The following DPY30 variants were observed in gnomAD, a reference collection of about 807,000 sequenced individuals.
The protein encoded by DPY30 is dpy-30 histone methyltransferase complex regulatory subunit.
Under a neutral mutation model 16.2 loss-of-function variants are expected in DPY30, and 6 were observed. That is an observed-to-expected ratio of 0.37 (90% CI 0.20 to 0.73). The LOEUF is 0.73. Ranked by LOEUF, DPY30 falls within the 30% of genes least tolerant of loss-of-function variation. The probability of loss-of-function intolerance (pLI) is 0.51; values close to 1 mark genes in which losing one functional copy is unlikely to be tolerated. For missense variants in DPY30, 73 were observed against 113.1 expected (o/e 0.65, Z 1.61); for synonymous variants, 39 against 38.8 (o/e 1.00, Z -0.02).
chr2:32,031,685 G>C (rs1675547851), intron 3 of DPY30, among the ~76,000 whole-genome samples: 1 of 152,048 alleles, frequency 6.6e-6, no homozygotes, highest in South Asian at 2.1e-4. Flanking sequence ...ATGCAGTCAG[G>C]AGTTCGAGAC....
chr2:32,034,853 G>A (rs1023269852), intron 3 of DPY30, among the ~76,000 whole-genome samples: 2 of 151,912 alleles, frequency 1.3e-5, no homozygotes, highest in African/African-American at 2.4e-5. Context: ...ACAAAAATTC[G>A]GCAGGCATGG....
chr2:32,024,856 A>AAT, intron 4 of DPY30, among the ~76,000 whole-genome samples: 1 of 114,242 alleles, frequency 8.8e-6, no homozygotes, highest in East Asian at 2.3e-4. Flanking sequence ...AATTTAAGTC[A>AAT]ATAATTCTAT....
chr2:32,022,522 A>T (rs12989672), downstream of DPY30, among the ~76,000 whole-genome samples: 57 of 141,414 alleles, frequency 4.0e-4, no homozygotes, highest in African/African-American at 1.5e-3. Flanking sequence ...TTTTTTTTTT[A>T]ATTTTTTTTC....
intron 4 of DPY30, among the ~76,000 whole-genome samples, chr2:32,028,050 T>C (rs1675398481): frequency 6.6e-6 from 1 of 152,044 alleles, no homozygotes; most frequent in Non-Finnish European, 1.5e-5. Flanking sequence ...ATAGTTTTTA[T>C]ATAAACAAAT....
intron 4 of DPY30, among the ~76,000 whole-genome samples, chr2:32,026,887 A>C (rs1230208451): frequency 6.6e-6 from 1 of 151,914 alleles, no homozygotes; most frequent in African/African-American, 2.4e-5. Flanking sequence ...AAAACAAAAA[A>C]ATAGAAAAGA....
At chr2:32,039,241 A>G in intron 3 of DPY30, 38 bp downstream of exon 3, 1 of 1,614,038 alleles carries the variant, frequency 6.2e-7, no homozygotes, top group South Asian at 1.1e-5. Context: ...AGCTTGCAAG[A>G]GACAACACAG....
intron 3 of DPY30, 67 bp from the exon 4 acceptor site, chr2:32,029,803 A>C: frequency 6.4e-7 from 1 of 1,557,386 alleles, no homozygotes; most frequent in Non-Finnish European, 8.8e-7. Context: ...TGCTAAACAA[A>C]ACTAATGGAA....
intron 5 of DPY30, among the ~76,000 whole-genome samples, chr2:32,015,725 G>A (rs984301656): frequency 1.1e-4 from 17 of 151,662 alleles, no homozygotes; most frequent in African/African-American, 4.8e-5. Flanking sequence ...CTGTAGTACC[G>A]CGCCCTGTAG....
chr2:32,012,375 A>C (rs920773873), intron 5 of DPY30, among the ~76,000 whole-genome samples: 24 of 151,596 alleles, frequency 1.6e-4, no homozygotes, highest in African/African-American at 5.6e-4. Flanking sequence ...TATGCAACAA[A>C]AAAAAAATGG....
At chr2:32,036,105 C>G (rs1379576537) in intron 3 of DPY30, among the ~76,000 whole-genome samples, 2 of 151,430 alleles carry the variant, frequency 1.3e-5, no homozygotes, top group African/African-American at 4.9e-5. Context: ...CCACCTCAGT[C>G]TCCTGAGTAG....
At chr2:32,023,671 A>C (rs1382023980), downstream of DPY30, 1 of 1,212,872 alleles carries the variant, frequency 8.2e-7, no homozygotes, top group Non-Finnish European at 1.1e-6. Flanking sequence ...TGTACATTAG[A>C]ATCACCTGTG....
chr2:32,024,102 G>T lies in DPY30; in HGVS notation c.*82C>A. The T allele has an allele frequency of 6.4e-7, 1 of 1,550,620 alleles. No individual in the cohort carries two copies. On this transcript the variant is annotated 3_prime_UTR_variant, in exon 5 of 5. Coordinates refer to ENST00000342166, the MANE Select transcript of DPY30 (RefSeq NM_001321209.2). ...AAGGTTCTTATACATCCAAAAAGAG[G>T]GAATGATCATGGCAATTAAAGCTGC...
At chr2:32,030,732 G>C (rs1675507081) in intron 3 of DPY30, among the ~76,000 whole-genome samples, 1 of 152,044 alleles carries the variant, frequency 6.6e-6, no homozygotes, top group Non-Finnish European at 1.5e-5. Flanking sequence ...CCAGGAGACG[G>C]AGGTTGCAGT....
intron 3 of DPY30, among the ~76,000 whole-genome samples, chr2:32,032,341 C>G (rs930691978): frequency 1.3e-5 from 2 of 152,138 alleles, no homozygotes; most frequent in Non-Finnish European, 2.9e-5. Flanking sequence ...GCTAACTGAG[C>G]CTTTGTAAAA....
chr2:32,037,804 C>G (rs776186098), intron 3 of DPY30, among the ~76,000 whole-genome samples: 13 of 151,978 alleles, frequency 8.6e-5, no homozygotes, highest in South Asian at 2.1e-4. Flanking sequence ...CTGCCCACCT[C>G]GGCCTCCCAA....
chr2:32,021,582 G>A (rs1477398890), downstream of DPY30, among the ~76,000 whole-genome samples: 1 of 151,160 alleles, frequency 6.6e-6, no homozygotes, highest in Non-Finnish European at 1.5e-5. Flanking sequence ...GGGGTGCTGA[G>A]ACAGGAGAAT....
At chr2:32,038,484 A>G (rs887581872) in intron 3 of DPY30, among the ~76,000 whole-genome samples, 2 of 150,390 alleles carry the variant, frequency 1.3e-5, no homozygotes, top group Non-Finnish European at 3.0e-5. Context: ...CAGTGGTGCG[A>G]TCATAGCTCA....
chr2:32,019,884 AT>A (rs1252565053), downstream of DPY30, among the ~76,000 whole-genome samples: 1 of 147,230 alleles, frequency 6.8e-6, no homozygotes, highest in East Asian at 2.0e-4. Context: ...GTATATATAT[AT>A]GTATATGTGT....
chr2:32,035,436 T>C (rs1034120037), intron 3 of DPY30, among the ~76,000 whole-genome samples: 1 of 151,278 alleles, frequency 6.6e-6, no homozygotes, highest in Non-Finnish European at 1.5e-5. Context: ...ACCTCATCTC[T>C]ACTAAAATAC....
Sources: gnomAD v4.1 joint callset for allele counts (sites outside exome capture counted in the v4.1 genomes callset) on GRCh38, gnomAD v4.1.1 for gene constraint, MANE v1.5 for transcripts, NCBI Gene and HGNC (gene_info 2026-07-23, HGNC 2026-07-21) for gene names.